Variants in FAM193A observed in about 807,000 individuals in gnomAD.
The protein encoded by FAM193A is family with sequence similarity 193 member A, also known as protein FAM193A.
Under a neutral mutation model 126.5 loss-of-function variants are expected in FAM193A, and 22 were observed. The ratio of observed to expected loss-of-function variants is 0.17; its 90% CI spans 0.12 to 0.25. FAM193A has a LOEUF of 0.25. Among genes scored for constraint, FAM193A ranks in the 10% least tolerant of loss-of-function variants. The pLI, the probability that FAM193A is intolerant of heterozygous loss-of-function variation, is 1.00. For missense variants in FAM193A, 1,675 were observed against 1,672.8 expected (o/e 1.00, Z -0.02); for synonymous variants, 761 against 646.8 (o/e 1.18, Z -2.68).
chr4:2,617,885 A>G (rs896702879), intron 2 of FAM193A, among the ~76,000 whole-genome samples: 3 of 152,110 alleles, frequency 2.0e-5, no homozygotes, highest in African/African-American at 4.8e-5. Context: ...CATCTTTATC[A>G]TGTGTGGTGC....
intron 13 of FAM193A, among the ~76,000 whole-genome samples, chr4:2,673,800 G>A (rs1028593961): frequency 2.0e-5 from 3 of 152,134 alleles, no homozygotes; most frequent in African/African-American, 4.8e-5. Flanking sequence ...CGAAAAATAA[G>A]TAAGATAGTA....
intron 19 of FAM193A, chr4:2,715,603 C>G (rs1036108190): frequency 1.1e-4 from 83 of 722,736 alleles, no homozygotes; most frequent in Admixed American, 3.4e-4. Context: ...GGGCCTGTCC[C>G]CTGGGCAGCT....
intron 1 of FAM193A, among the ~76,000 whole-genome samples, chr4:2,575,636 T>A (rs1476576374): frequency 1.3e-5 from 2 of 151,856 alleles, no homozygotes; most frequent in Admixed American, 1.3e-4. Flanking sequence ...CTAGCTAATT[T>A]TTGTATTTTT....
intron 13 of FAM193A, among the ~76,000 whole-genome samples, chr4:2,677,101 T>G (rs1373238104): frequency 1.3e-5 from 2 of 152,216 alleles, no homozygotes; most frequent in African/African-American, 4.8e-5. Flanking sequence ...AGGTTGGTAA[T>G]CCATTTTTTA....
At chr4:2,711,772 C>T (rs573332096) in intron 19 of FAM193A, among the ~76,000 whole-genome samples, 1 of 151,756 alleles carries the variant, frequency 6.6e-6, no homozygotes, top group African/African-American at 2.4e-5. Flanking sequence ...ACTAAAAATA[C>T]AAAAATTAGC....
chr4:2,566,922 G>C (rs1433884482), intron 1 of FAM193A, among the ~76,000 whole-genome samples: 2 of 151,494 alleles, frequency 1.3e-5, no homozygotes, highest in Admixed American at 1.3e-4. Flanking sequence ...GATGTAAATT[G>C]ACTAGCTGAA....
intron 1 of FAM193A, among the ~76,000 whole-genome samples, chr4:2,539,642 A>G (rs1578551187): frequency 1.3e-5 from 2 of 152,030 alleles, no homozygotes; most frequent in East Asian, 2.0e-4. Context: ...CTTGACCTCA[A>G]GTGATCCTCC....
At chr4:2,597,197 A>G (rs1017931375) in intron 2 of FAM193A, among the ~76,000 whole-genome samples, 3 of 152,040 alleles carry the variant, frequency 2.0e-5, no homozygotes, top group African/African-American at 4.8e-5. Context: ...CCCCTCCCGC[A>G]TGTCCCGCTT....
intron 1 of FAM193A, among the ~76,000 whole-genome samples, chr4:2,574,672 C>T (rs1739485571): frequency 6.6e-6 from 1 of 152,198 alleles, no homozygotes; most frequent in African/African-American, 2.4e-5. Flanking sequence ...TCTGTAGTAT[C>T]CACGTTTATG....
chr4:2,547,458 C>T (rs1174745542), intron 1 of FAM193A, among the ~76,000 whole-genome samples: 1 of 151,986 alleles, frequency 6.6e-6, no homozygotes, highest in East Asian at 1.9e-4. Flanking sequence ...CACTATGTTG[C>T]CCAGGCTGGT....
At chr4:2,644,325 A>G (rs1271657528) in intron 6 of FAM193A, among the ~76,000 whole-genome samples, 1 of 152,194 alleles carries the variant, frequency 6.6e-6, no homozygotes, top group African/African-American at 2.4e-5. Context: ...AACACATGAC[A>G]GGGTATAATG....
intron 19 of FAM193A, among the ~76,000 whole-genome samples, chr4:2,714,315 G>T (rs1456609903): frequency 1.3e-5 from 2 of 152,060 alleles, no homozygotes; most frequent in Admixed American, 6.6e-5. Flanking sequence ...GCACCTCTCT[G>T]TACAAACATG....
chr4:2,685,650 G>A (rs1252307583), intron 13 of FAM193A, among the ~76,000 whole-genome samples: 1 of 152,190 alleles, frequency 6.6e-6, no homozygotes, highest in Non-Finnish European at 1.5e-5. Flanking sequence ...GATACAACTG[G>A]AACTCATTTT....
chr4:2,671,155 TCCTC>T (rs1338034293), intron 12 of FAM193A, among the ~76,000 whole-genome samples: 1 of 152,188 alleles, frequency 6.6e-6, no homozygotes, highest in Non-Finnish European at 1.5e-5. Context: ...GTTGGCCCCT[TCCTC>T]CAGCCCGTGA....
chr4:2,605,764 G>T (rs992882610), intron 2 of FAM193A, among the ~76,000 whole-genome samples: 4 of 152,088 alleles, frequency 2.6e-5, no homozygotes, highest in Admixed American at 6.5e-5. Flanking sequence ...CTGAGGTCAG[G>T]AGTTCGAGAC....
chr4:2,536,238 C>T (rs1265768891), upstream of FAM193A, among the ~76,000 whole-genome samples: 1 of 151,608 alleles, frequency 6.6e-6, no homozygotes, highest in Non-Finnish European at 1.5e-5. Context: ...TGTAGTTTGC[C>T]TCGCGGGCGG....
At chr4:2,731,196 C>CAAAAAAA (rs546217602) in intron 20 of FAM193A, among the ~76,000 whole-genome samples, 3 of 86,876 alleles carry the variant, frequency 3.5e-5, no homozygotes, top group Admixed American at 9.9e-5. Flanking sequence ...AACTCCTTCT[C>CAAAAAAA]AAAAAAAAAA....
chr4:2,672,729 T>G (rs1194364117), intron 13 of FAM193A, among the ~76,000 whole-genome samples: 1 of 152,208 alleles, frequency 6.6e-6, no homozygotes, highest in Non-Finnish European at 1.5e-5. Flanking sequence ...CTTCTTAATT[T>G]GATAGGTAAA....
At chr4:2,673,109 T>C (rs1020412451) in intron 13 of FAM193A, among the ~76,000 whole-genome samples, 3 of 152,254 alleles carry the variant, frequency 2.0e-5, no homozygotes, top group Admixed American at 6.5e-5. Flanking sequence ...GCCTCTCTAG[T>C]TATTTTGAGC....
Sources: allele counts gnomAD v4.1 joint callset (sites outside exome capture counted in the v4.1 genomes callset), GRCh38; gene constraint gnomAD v4.1.1; transcripts MANE v1.5; gene names NCBI Gene and HGNC (gene_info 2026-07-23, HGNC 2026-07-21).